The following CLEC16A variants were observed in gnomAD, a reference collection of about 807,000 sequenced individuals.
The protein encoded by CLEC16A is C-type lectin domain containing 16A.
Under a neutral mutation model 109.5 loss-of-function variants are expected in CLEC16A, and 51 were observed. That is an observed-to-expected ratio of 0.47 (90% confidence interval 0.37 to 0.59). The LOEUF (loss-of-function observed/expected upper bound fraction) is 0.59. CLEC16A is among the 20% of genes least tolerant of loss of function. The pLI, the probability that CLEC16A is intolerant of heterozygous loss-of-function variation, is 0.00. For synonymous variants in CLEC16A, 673 were observed against 564.2 expected, an observed-to-expected ratio of 1.19 and a Z score of -2.73; for missense variants, 1,339 against 1,394.0, an observed-to-expected ratio of 0.96 and a Z score of 0.63.
intron 1 of CLEC16A, among the ~76,000 whole-genome samples, chr16:10,951,453 T>G (rs988651444): frequency 6.6e-6 from 1 of 152,230 alleles, no homozygotes; most frequent in African/African-American, 2.4e-5. Flanking sequence ...CCAATAAAAT[T>G]GTTGCTTACT....
At chr16:11,156,556 C>G (rs7189563) in intron 22 of CLEC16A, 2 of 1,300,690 alleles carry the variant, frequency 1.5e-6, no homozygotes, top group Non-Finnish European at 2.0e-6. Flanking sequence ...ACCCGCCTTC[C>G]TCCTGCTGCC....
At position 10,967,101 on chromosome 16, in the gene CLEC16A, C is replaced by A. The variant is rs139971811; in HGVS notation, c.344-2060C>A. 2.1e-3 allele frequency among the ~76,000 whole-genome samples: 322 copies of A among 152,230 alleles called. 2 individuals carry two copies. The highest frequency in any genetic ancestry group is 7.3e-3 in the African/African-American group (302 of 41,534). On this transcript the variant is annotated intron_variant, in intron 3 of 23. Transcript: ENST00000409790. ...AAACTGCTCTTCTAAGACTACAAAC[C>A]GCACAGCCTGTCTGCCATGCCTGCT...
intron 12 of CLEC16A, among the ~76,000 whole-genome samples, chr16:11,023,876 A>G (rs1240057750): frequency 6.6e-6 from 1 of 152,174 alleles, no homozygotes; most frequent in Non-Finnish European, 1.5e-5. Context: ...CAGTGGGAGG[A>G]TCAGAGCCTC....
At chr16:10,946,193 G>A (rs2041358855) in intron 1 of CLEC16A, among the ~76,000 whole-genome samples, 1 of 152,184 alleles carries the variant, frequency 6.6e-6, no homozygotes, top group African/African-American at 2.4e-5. Context: ...ACTACTAATG[G>A]GAAAGGAGGA....
intron 12 of CLEC16A, among the ~76,000 whole-genome samples, chr16:11,023,952 C>T (rs1285970766): frequency 2.0e-5 from 3 of 152,180 alleles, no homozygotes; most frequent in Non-Finnish European, 2.9e-5. Context: ...TTCTGTGAGG[C>T]CCTTCACCTG....
At chr16:11,175,998 T>A (rs988424129) in intron 23 of CLEC16A, among the ~76,000 whole-genome samples, 2 of 152,238 alleles carry the variant, frequency 1.3e-5, no homozygotes, top group Non-Finnish European at 2.9e-5. Context: ...ATTTGGGGAA[T>A]TAGTCATTTC....
chr16:11,016,381 C>T, intron 11 of CLEC16A, among the ~76,000 whole-genome samples: 1 of 149,668 alleles, frequency 6.7e-6, no homozygotes, highest in South Asian at 2.1e-4. Context: ...CAGAGTCTCA[C>T]TCTGTCACCC....
At chr16:10,993,213 T>TC (rs2044135731) in intron 10 of CLEC16A, among the ~76,000 whole-genome samples, 1 of 151,876 alleles carries the variant, frequency 6.6e-6, no homozygotes, top group Non-Finnish European at 1.5e-5. Context: ...CCCTGTCTCT[T>TC]CAAAAAAATA....
intron 23 of CLEC16A, among the ~76,000 whole-genome samples, chr16:11,169,925 C>T (rs935958706): frequency 2.0e-5 from 3 of 152,120 alleles, no homozygotes; most frequent in African/African-American, 7.2e-5. Flanking sequence ...ACAGATGTCC[C>T]CTTGTTGAAT....
intron 22 of CLEC16A, chr16:11,156,712 G>C: frequency 7.9e-7 from 1 of 1,271,748 alleles, no homozygotes; most frequent in East Asian, 5.6e-5. Flanking sequence ...GCAGGGGCTG[G>C]GCGAGGCAGG....
chr16:11,008,732 T>C (rs2045202025), intron 11 of CLEC16A, among the ~76,000 whole-genome samples: 1 of 150,680 alleles, frequency 6.6e-6, no homozygotes, highest in Admixed American at 6.7e-5. Context: ...GGTTCACGCC[T>C]GTAATCCCAG....
chr16:10,977,078 C>A, intron 7 of CLEC16A, 147 bp from the exon 8 acceptor site: 1 of 718,138 alleles, frequency 1.4e-6, no homozygotes, highest in Non-Finnish European at 2.3e-6. Flanking sequence ...TTGTATATCT[C>A]CCCAGTAGGG....
At chr16:11,149,169 A>G (rs960705972) in intron 22 of CLEC16A, among the ~76,000 whole-genome samples, 8 of 152,172 alleles carry the variant, frequency 5.3e-5, no homozygotes, top group African/African-American at 1.2e-4. Flanking sequence ...TCGGAGCACA[A>G]GTCACCAGTG....
intron 12 of CLEC16A, among the ~76,000 whole-genome samples, chr16:11,023,139 TC>T (rs2046218502): frequency 6.6e-6 from 1 of 150,816 alleles, no homozygotes; most frequent in African/African-American, 2.4e-5. Context: ...TCTGGGAATT[TC>T]ACCCTCCCTT....
chr16:10,982,701 T>C (rs2043391915), intron 9 of CLEC16A, among the ~76,000 whole-genome samples, 177 bp from the exon 10 acceptor site: 1 of 152,198 alleles, frequency 6.6e-6, no homozygotes, highest in African/African-American at 2.4e-5. Context: ...AGACTGACCT[T>C]ACAAGAGTGG....
chr16:11,059,898 C>G lies in CLEC16A; in HGVS notation c.1996-1004C>G, dbSNP rs190539042. 1.1e-4 allele frequency among the ~76,000 whole-genome samples: 17 copies of G among 152,352 alleles called. No homozygotes were observed. The East Asian group carries it at 2.5e-3, about 22-fold the overall frequency. On this transcript the variant is annotated intron_variant, in intron 18 of 23. Coordinates refer to ENST00000409790, the MANE Select transcript of CLEC16A (RefSeq NM_015226.3). ...GGAATCTGATGTAGACCTCATGTGTCTGACTCTGGAGCTGTCCCCATGGGG... is the reference window on the plus strand; with the variant it reads ...GGAATCTGATGTAGACCTCATGTGTGTGACTCTGGAGCTGTCCCCATGGGG...
chr16:11,132,848 T>C (rs1053440567), intron 22 of CLEC16A, among the ~76,000 whole-genome samples: 4 of 152,070 alleles, frequency 2.6e-5, no homozygotes, highest in Non-Finnish European at 5.9e-5. Context: ...GATGGATGCA[T>C]TGGTGGATGG....
At chr16:11,110,786 G>A (rs2051533697) in intron 19 of CLEC16A, among the ~76,000 whole-genome samples, 1 of 152,182 alleles carries the variant, frequency 6.6e-6, no homozygotes, top group South Asian at 2.1e-4. Context: ...AGAAACCTGA[G>A]ACTCAGAAAA....
intron 22 of CLEC16A, among the ~76,000 whole-genome samples, chr16:11,135,761 GGCCCGCAGCAGGGCAGCCAT>G (rs1291272230): frequency 6.6e-6 from 1 of 152,216 alleles, no homozygotes; most frequent in Non-Finnish European, 1.5e-5. Context: ...GGCTCGGGTG[GGCCCGCAGCAGGGCAGCCAT>G]GCCGGCAGCA....
Sources: gnomAD v4.1 joint callset for allele counts (sites outside exome capture counted in the v4.1 genomes callset) on GRCh38, gnomAD v4.1.1 for gene constraint, MANE v1.5 for transcripts, NCBI Gene and HGNC (gene_info 2026-07-23, HGNC 2026-07-21) for gene names.